The following CCM2L variants were observed in gnomAD, a reference collection of about 807,000 sequenced individuals.
CCM2L encodes the protein CCM2 like scaffold protein.
Under a neutral mutation model 54.1 loss-of-function variants are expected in CCM2L, and 36 were observed. The ratio of observed to expected loss-of-function variants is 0.67; its 90% confidence interval spans 0.51 to 0.88. The LOEUF is 0.88. Among genes scored for constraint, CCM2L ranks in the 40% least tolerant of loss-of-function variants. The pLI is 0.00. For synonymous variants in CCM2L, 351 were observed against 359.3 expected (o/e 0.98, Z 0.26); for missense variants, 700 against 812.1 (o/e 0.86, Z 1.68).
At chr20:32,015,859 CTT>C (rs199989562) in intron 2 of CCM2L, among the ~76,000 whole-genome samples, 11 of 127,834 alleles carry the variant, frequency 8.6e-5, no homozygotes, top group Non-Finnish European at 9.6e-5. Flanking sequence ...AGCTGTACTT[CTT>C]TTTTTTTTTT....
intron 1 of CCM2L, 125 bp from the exon 2 acceptor site, chr20:32,014,779 C>T: frequency 3.3e-6 from 3 of 918,838 alleles, no homozygotes; most frequent in South Asian, 3.7e-5. Flanking sequence ...ATGGGACTTA[C>T]AGAGGTACCC....
intron 7 of CCM2L, 154 bp from the exon 8 acceptor site, chr20:32,028,840 CA>C: frequency 2.2e-6 from 2 of 907,412 alleles, no homozygotes; most frequent in East Asian, 5.3e-5. Context: ...AAGGCAAGCA[CA>C]GTGACAGATG....
intron 6 of CCM2L, among the ~76,000 whole-genome samples, chr20:32,025,153 C>T (rs2064844716): frequency 6.6e-6 from 1 of 150,530 alleles, no homozygotes; most frequent in African/African-American, 2.4e-5. Flanking sequence ...TTCCCCTTCC[C>T]CTTTCTTTCT....
At chr20:32,022,558 G>T in intron 5 of CCM2L, 102 bp from the exon 6 acceptor site, 3 of 1,386,380 alleles carry the variant, frequency 2.2e-6, no homozygotes, top group South Asian at 1.3e-5. Context: ...GGCTCTATAG[G>T]TGTGTATCTT....
intron 1 of CCM2L, among the ~76,000 whole-genome samples, chr20:32,014,246 CATATAT>C (rs572945733): frequency 8.0e-5 from 11 of 137,516 alleles, no homozygotes; most frequent in Non-Finnish European, 1.5e-4. Context: ...TATGTGTGTA[CATATAT>C]ATATATATAT....
chr20:32,018,642 C>T (rs1013907782), intron 4 of CCM2L, among the ~76,000 whole-genome samples: 5 of 151,924 alleles, frequency 3.3e-5, no homozygotes, highest in Non-Finnish European at 7.4e-5. Context: ...TGGGAGGGGA[C>T]AGCCTGACCA....
intron 6 of CCM2L, among the ~76,000 whole-genome samples, chr20:32,025,386 A>G (rs1351276349): frequency 6.6e-6 from 1 of 151,340 alleles, no homozygotes; most frequent in Non-Finnish European, 1.5e-5. Context: ...CTTCTATGTC[A>G]GCCTCTCAAG....
At chr20:32,011,211 G>A (rs1368660822) in intron 1 of CCM2L, among the ~76,000 whole-genome samples, 1 of 151,902 alleles carries the variant, frequency 6.6e-6, no homozygotes, top group Admixed American at 6.6e-5. Flanking sequence ...AGACATACGT[G>A]CATGTTTTCT....
rs750819924 is a variant in CCM2L at position 32,017,984 on chromosome 20, GA to G, written c.290del (p.Lys97ArgfsTer5). The part of the protein sequence containing the change: ...LQLLDTARQL[K>X]ELPLKTTAEQ... ...AGATCTGCCCCTCCCTGCAGCAGCT[GA>G]AGGAGCTGCCGCTGAAGACCACGGC... is the stretch of plus-strand genomic sequence containing the variant. On this transcript the variant is annotated frameshift_variant, in exon 4 of 10. Transcript: ENST00000452892. LOFTEE classifies it high-confidence loss of function. The G allele has an allele frequency of 1.4e-5, 23 of 1,613,552 alleles. No homozygotes were observed. The highest frequency in any genetic ancestry group is 1.7e-5 in the Non-Finnish European group (20 of 1,179,934).
At chr20:32,030,796 A>T (rs979484201) in intron 9 of CCM2L, among the ~76,000 whole-genome samples, 1 of 151,288 alleles carries the variant, frequency 6.6e-6, no homozygotes, top group East Asian at 1.9e-4. Context: ...ATAAAAGTAC[A>T]GTAATCTAGT....
chr20:32,015,220 A>C, intron 2 of CCM2L, 149 bp downstream of exon 2: 1 of 737,682 alleles, frequency 1.4e-6, no homozygotes. Context: ...CCTTGCCCCC[A>C]CCTTCAGCAA....
At chr20:32,017,675 T>G in intron 2 of CCM2L, 125 bp from the exon 3 acceptor site, 1 of 811,842 alleles carries the variant, frequency 1.2e-6, no homozygotes, top group Non-Finnish European at 2.1e-6. Flanking sequence ...AAAGTTATTA[T>G]CAGGTATATT....
intron 9 of CCM2L, among the ~76,000 whole-genome samples, chr20:32,030,394 CTG>C (rs779035912): frequency 1.1e-4 from 17 of 152,168 alleles, no homozygotes; most frequent in Non-Finnish European, 2.2e-4. Flanking sequence ...ATAAAACAAA[CTG>C]TTTACAGAGT....
chr20:32,025,558 A>T (rs1462570751), intron 6 of CCM2L, among the ~76,000 whole-genome samples: 1 of 151,362 alleles, frequency 6.6e-6, no homozygotes, highest in Non-Finnish European at 1.5e-5. Flanking sequence ...TGAGCCACAA[A>T]TTTTTTTTTC....
chr20:32,017,138 T>C lies in CCM2L; in HGVS notation c.199-662T>C, dbSNP rs73104605. Among the ~76,000 whole-genome samples, 7 of 152,218 alleles carry C rather than the reference T, an allele frequency of 4.6e-5. No individual in the cohort carries two copies. The South Asian group carries it at 1.2e-3, about 27-fold the overall frequency. ...ACCCCAGCCTGAGTGACACTGAGAC[T>C]ATCTCAAAAAAAAGTTAACTATTAT... On this transcript the variant is annotated intron_variant, in intron 2 of 9. Transcript: ENST00000452892.
Position 32,019,086 on chromosome 20 carries a change from C to T in CCM2L, c.610C>T (p.Arg204Trp), listed in dbSNP as rs1356993895. Residue 204 changes from arginine (R) to tryptophan (W), a missense_variant, in exon 5 of 10, where the codon CGG becomes TGG. Transcript: ENST00000452892. The stretch of plus-strand genomic sequence containing the variant: ...CCACACCATCTGCAGCCTGGACTGG[C>T]GGATGGGGTGGGGTGGGGGCGCCGC... Reference protein sequence around the residue: ...RRHTICSLDWRMGWGGGAAEA... With the variant: ...RRHTICSLDWWMGWGGGAAEA... The T allele has an allele frequency of 1.7e-6, 2 of 1,200,414 alleles. No homozygotes were observed. The highest frequency in any genetic ancestry group is 2.1e-6 in the Non-Finnish European group (2 of 968,516). The allele number at this position is 1,200,414 out of a possible 1,614,324, so 74.4% of individuals were successfully genotyped here.
intron 4 of CCM2L, 56 bp downstream of exon 4, chr20:32,018,218 GC>G (rs2064759951): frequency 2.7e-6 from 1 of 374,350 alleles, no homozygotes; most frequent in Non-Finnish European, 4.7e-6. Context: ...CGGGGGAGGG[GC>G]GGGGGCGGGG....
intron 2 of CCM2L, 51 bp from the exon 3 acceptor site, chr20:32,017,748 AG>A (rs1419423563): frequency 3.5e-5 from 52 of 1,470,820 alleles, no homozygotes; most frequent in Non-Finnish European, 4.8e-6. Flanking sequence ...GGGTTCTTCA[AG>A]GTTTCAGGGT....
chr20:32,018,161 C>T lies in CCM2L; in HGVS notation c.465C>T (p.Thr155=). The change falls in exon 4 of 10, where the codon ACC becomes ACT. Residue 155 remains threonine, a splice_region_variant and synonymous_variant. Transcript: ENST00000452892. Reference sequence around the variant, plus strand: ...CGCTGCACCTGCTAGTGCTCAAGACCGGTGCGGCGGGAGGGGGCGGGGGCG... The same window carrying T: ...CGCTGCACCTGCTAGTGCTCAAGACTGGTGCGGCGGGAGGGGGCGGGGGCG... ...DDALHLLVLK[T]GLGVDPVPAG... The T allele has an allele frequency of 7.1e-7, 1 of 1,413,170 alleles. No individual in the cohort carries two copies. 87.5% of individuals were successfully genotyped at this position (1,413,170 alleles called of 1,614,324 possible). A position where few individuals can be genotyped will look rare whatever the true frequency, so the allele number is the denominator to read the frequency against.
Sources: allele counts gnomAD v4.1 joint callset (sites outside exome capture counted in the v4.1 genomes callset), GRCh38; gene constraint gnomAD v4.1.1; transcripts MANE v1.5; gene names NCBI Gene and HGNC (gene_info 2026-07-23, HGNC 2026-07-21).